Variants in SOX5 observed in about 807,000 individuals in gnomAD.
The protein encoded by SOX5 is SRY-box transcription factor 5, also known as transcription factor SOX-5.
Under a neutral mutation model 92.0 loss-of-function variants are expected in SOX5, and 9 were observed. That is an observed-to-expected ratio of 0.10 (90% confidence interval 0.06 to 0.17). SOX5 has a LOEUF of 0.17. SOX5 is among the 10% of genes least tolerant of loss of function. The pLI is 1.00. For missense variants in SOX5, 642 were observed against 944.5 expected (o/e 0.68, Z 4.20); for synonymous variants, 344 against 336.3 (o/e 1.02, Z -0.25).
intron 2 of SOX5, among the ~76,000 whole-genome samples, chr12:23,869,634 C>T (rs2096852262): frequency 6.6e-6 from 1 of 152,102 alleles, no homozygotes; most frequent in Admixed American, 6.5e-5. Context: ...AGATAAGAAG[C>T]AGCCCCAGAA....
chr12:23,835,835 G>A (rs927273410), intron 3 of SOX5, among the ~76,000 whole-genome samples: 8 of 151,646 alleles, frequency 5.3e-5, no homozygotes, highest in African/African-American at 7.3e-5. Context: ...GCTGAAAAGT[G>A]ACCCTGACTT....
At chr12:23,636,697 C>A (rs985334579) in intron 8 of SOX5, among the ~76,000 whole-genome samples, 1 of 152,128 alleles carries the variant, frequency 6.6e-6, no homozygotes, top group African/African-American at 2.4e-5. Flanking sequence ...CATTATGAAT[C>A]CTGCTACTTC....
chr12:23,694,902 T>C (rs1362255581), intron 6 of SOX5, among the ~76,000 whole-genome samples: 1 of 152,118 alleles, frequency 6.6e-6, no homozygotes, highest in Non-Finnish European at 1.5e-5. Context: ...AAAGATCACC[T>C]GAGCTCAGGA....
At chr12:23,964,922 G>T (rs144872442) in intron 4 of SOX5, among the ~76,000 whole-genome samples, 1 of 152,194 alleles carries the variant, frequency 6.6e-6, no homozygotes, top group Non-Finnish European at 1.5e-5. Flanking sequence ...TTGCTTTAGC[G>T]AAGAAATCAA....
intron 7 of SOX5, among the ~76,000 whole-genome samples, chr12:23,653,026 A>G (rs529957844): frequency 1.8e-4 from 15 of 84,142 alleles, no homozygotes; most frequent in African/African-American, 7.5e-4. Context: ...ATGAATGTAC[A>G]GATAGATGGA....
intron 8 of SOX5, among the ~76,000 whole-genome samples, chr12:23,627,426 C>T (rs1423892039): frequency 6.6e-6 from 1 of 152,106 alleles, no homozygotes; most frequent in Non-Finnish European, 1.5e-5. Context: ...TTGCCTTAAA[C>T]CTTTATACTG....
At chr12:24,065,113 G>C (rs1940437162) in intron 4 of SOX5, among the ~76,000 whole-genome samples, 1 of 152,276 alleles carries the variant, frequency 6.6e-6, no homozygotes, top group Non-Finnish European at 1.5e-5. Flanking sequence ...GGGCAGTTTA[G>C]GGATGTGCGG....
chr12:24,437,824 A>G (rs1939735607), intron 1 of SOX5, among the ~76,000 whole-genome samples: 1 of 152,216 alleles, frequency 6.6e-6, no homozygotes, highest in South Asian at 2.1e-4. Flanking sequence ...ATGCTTTTAC[A>G]CTGTTGGTAG....
intron 2 of SOX5, among the ~76,000 whole-genome samples, chr12:23,867,013 T>C (rs781442750): frequency 6.7e-6 from 1 of 150,320 alleles, no homozygotes; most frequent in Non-Finnish European, 1.5e-5. Flanking sequence ...CCCCTGGCCA[T>C]GCGTTCCTTA....
intron 4 of SOX5, among the ~76,000 whole-genome samples, chr12:24,209,744 C>A (rs1188774053): frequency 6.6e-6 from 1 of 152,006 alleles, no homozygotes. Flanking sequence ...TCCGGCCGGG[C>A]GCGGTGGCTC....
At chr12:24,254,604 T>C (rs1411712296) in intron 3 of SOX5, among the ~76,000 whole-genome samples, 3 of 152,004 alleles carry the variant, frequency 2.0e-5, no homozygotes, top group Non-Finnish European at 4.4e-5. Context: ...GCATGGGTAC[T>C]TGAAGTACAG....
rs189637735 is a variant in SOX5 at position 23,890,264 on chromosome 12, G to A, written c.270+5529C>T. ...GAATGTGGGAGGCGGAAGTTGCAGC[G>A]AGCCAAGACTATGTCATTGCACTCC... On this transcript the variant is annotated intron_variant, in intron 2 of 14. Transcript: ENST00000451604. Among the ~76,000 whole-genome samples the A allele has an allele frequency of 6.7e-4, 100 of 149,550 alleles. 1 individual carries two copies. The East Asian group carries it at 0.019, about 28-fold the overall frequency.
At chr12:23,905,993 T>C (rs1207079370) in intron 1 of SOX5, among the ~76,000 whole-genome samples, 1 of 152,150 alleles carries the variant, frequency 6.6e-6, no homozygotes, top group African/African-American at 2.4e-5. Flanking sequence ...TACATTTCAA[T>C]CAAGTCACTT....
At chr12:23,833,733 T>A (rs2096368507) in intron 3 of SOX5, among the ~76,000 whole-genome samples, 1 of 151,868 alleles carries the variant, frequency 6.6e-6, no homozygotes, top group South Asian at 2.1e-4. Context: ...AAAGAAATGA[T>A]CTTACAATTC....
intron 4 of SOX5, among the ~76,000 whole-genome samples, chr12:24,095,053 A>G (rs1010131593): frequency 2.6e-5 from 4 of 151,152 alleles, no homozygotes; most frequent in African/African-American, 9.8e-5. Context: ...TGTACATTAC[A>G]AATCTTCTTT....
intron 1 of SOX5, among the ~76,000 whole-genome samples, chr12:23,921,207 C>T (rs558830886): frequency 6.6e-6 from 1 of 152,162 alleles, no homozygotes; most frequent in South Asian, 2.1e-4. Flanking sequence ...AGCAGTGCAT[C>T]AATCAGAAGA....
At chr12:23,579,552 T>A (rs1014720207) in intron 9 of SOX5, among the ~76,000 whole-genome samples, 1 of 152,170 alleles carries the variant, frequency 6.6e-6, no homozygotes, top group African/African-American at 2.4e-5. Flanking sequence ...CATTTTCTAT[T>A]AATTATTTTT....
upstream of SOX5, among the ~76,000 whole-genome samples, chr12:23,952,800 G>T: frequency 6.6e-6 from 1 of 152,080 alleles, no homozygotes; most frequent in East Asian, 1.9e-4. Flanking sequence ...AAAGGGGTAG[G>T]TATGTATTTC....
At chr12:23,780,980 G>T (rs894294502) in intron 3 of SOX5, among the ~76,000 whole-genome samples, 1 of 151,922 alleles carries the variant, frequency 6.6e-6, no homozygotes, top group Non-Finnish European at 1.5e-5. Context: ...GATTCTAGAG[G>T]TATGCACCAC....
Sources: gnomAD v4.1 joint callset for allele counts (sites outside exome capture counted in the v4.1 genomes callset) on GRCh38, gnomAD v4.1.1 for gene constraint, MANE v1.5 for transcripts, NCBI Gene and HGNC (gene_info 2026-07-23, HGNC 2026-07-21) for gene names.